AP1M1: variants seen among roughly 807,000 people sequenced by gnomAD.
AP1M1 encodes the protein AP-1 complex subunit mu-1.
AP1M1 carries 18 observed loss-of-function variants against 57.1 expected under a neutral mutation model. That is an observed-to-expected ratio of 0.32 (90% CI 0.22 to 0.47). The LOEUF is 0.47. Among genes scored for constraint, AP1M1 ranks in the 20% least tolerant of loss-of-function variants. The probability of loss-of-function intolerance (pLI) is 1.00; values close to 1 mark genes in which losing one functional copy is unlikely to be tolerated. For missense variants in AP1M1, 362 were observed against 593.5 expected, an observed-to-expected ratio of 0.61 and a Z score of 4.05; for synonymous variants, 241 against 237.9, an observed-to-expected ratio of 1.01 and a Z score of -0.12.
At chr19:16,225,500 A>G (rs2091567331) in intron 5 of AP1M1, among the ~76,000 whole-genome samples, 1 of 152,194 alleles carries the variant, frequency 6.6e-6, no homozygotes, top group Non-Finnish European at 1.5e-5. Flanking sequence ...AATGGATGCA[A>G]GAAGAGATGC....
At position 16,207,676 on chromosome 19, in the gene AP1M1, C is replaced by T. The variant is rs1442293798; in HGVS notation, c.268-343C>T. Among the ~76,000 whole-genome samples, 1 of 152,142 alleles carries T rather than the reference C, an allele frequency of 6.6e-6. No individual in the cohort carries two copies. The highest frequency in any genetic ancestry group is 6.5e-5 in the Admixed American group (1 of 15,268). ...GGGGAAGATGGCAGCTCATCAGGTC[C>T]TTGCCTGAGTCACTCCAGACTCAGA... On this transcript the variant is annotated intron_variant, in intron 3 of 11. Transcript: ENST00000291439. This position sits in a 1 kb window ranked among gnomAD's most constrained non-coding sequence, Gnocchi z 4.2.
At position 16,245,143 on chromosome 19, in the gene AP1M1, G is replaced by A. The variant is rs12972292; in HGVS notation, c.*10708G>A. 0.55 allele frequency: 82,915 copies of A among 151,358 alleles called. 25,662 individuals carry two copies. Among genetic ancestry groups the A allele is most frequent in the Non-Finnish European group, 0.71 (48,033 of 67,694 alleles). 9.4% of individuals were successfully genotyped at this position (151,358 alleles called of 1,614,324 possible). ...ACTCCCGACCTCAGGTGATCCGCCC[G>A]CCTCGGCCTCCCAAAGTGCTGGGAT... On this transcript the variant is annotated 3_prime_UTR_variant, in exon 12 of 12. Transcript: ENST00000291439.
rs1179303332 is a variant in AP1M1 at position 16,215,200 on chromosome 19, CGGGGGGGGGGGAGAGG to C, written c.546+6028_546+6043del. 2.7e-4 allele frequency among the ~76,000 whole-genome samples: 2 copies of C among 7,370 alleles called. 1 individual carries two copies. The highest frequency in any genetic ancestry group is 6.1e-4 in the Non-Finnish European group (2 of 3,276). The allele number at this position is 7,370 out of a possible 152,430, so 4.8% of individuals were successfully genotyped here. A position where few individuals can be genotyped will look rare whatever the true frequency, so the allele number is the denominator to read the frequency against. ...GCACTTTGGGAGGCTAAGGCGGGGG[CGGGGGGGGGGGAGAGG>C]GGGGAGGGGGGAGGGGAGGGGATCA... On this transcript the variant is annotated intron_variant, in intron 5 of 11. Coordinates refer to ENST00000291439, the MANE Select transcript of AP1M1 (RefSeq NM_032493.4).
In AP1M1 at chr19:16,228,654, C is replaced by T; in HGVS notation, c.889-116C>T. The stretch of plus-strand genomic sequence containing the variant: ...GTGGGTAGTGCCTGGAGAAGTGGGG[C>T]CAGGGGCGGGGCTAGGGAGGATCCC... On this transcript the variant is annotated intron_variant, in intron 8 of 11. Coordinates refer to ENST00000291439, the MANE Select transcript of AP1M1 (RefSeq NM_032493.4). The surrounding 1 kb of genome is among the most constrained non-coding windows in gnomAD (Gnocchi z 5.0). 1 of 1,171,816 alleles carries T rather than the reference C, an allele frequency of 8.5e-7. No homozygotes were observed. 72.6% of individuals were successfully genotyped at this position (1,171,816 alleles called of 1,614,324 possible). A position where few individuals can be genotyped will look rare whatever the true frequency, so the allele number is the denominator to read the frequency against.
intron 5 of AP1M1, among the ~76,000 whole-genome samples, chr19:16,225,166 T>A (rs1273106241): frequency 3.9e-5 from 6 of 152,168 alleles, no homozygotes; most frequent in Admixed American, 3.9e-4. Flanking sequence ...TTTTCCCAAT[T>A]CCCTCAGAGG....
At chr19:16,198,462 G>A (rs1307889426) in intron 1 of AP1M1, among the ~76,000 whole-genome samples, 1 of 152,156 alleles carries the variant, frequency 6.6e-6, no homozygotes, top group African/African-American at 2.4e-5. Context: ...AGGCGTGGCG[G>A]GGACTGGGTG....
intron 5 of AP1M1, among the ~76,000 whole-genome samples, chr19:16,217,352 T>C (rs961952148): frequency 6.6e-6 from 1 of 151,948 alleles, no homozygotes; most frequent in Non-Finnish European, 1.5e-5. Context: ...CACAGCAGGG[T>C]GCACACACAG....
rs1251581552 is a variant in AP1M1, at chr19:16,236,994, G to A, written c.*2559G>A. On this transcript the variant is annotated 3_prime_UTR_variant, in exon 12 of 12. Coordinates refer to ENST00000291439, the MANE Select transcript of AP1M1 (RefSeq NM_032493.4). Reference sequence around the variant, plus strand: ...GCACAGAGACTCTGAATAGAAAAGAGCAAAATGCTGTTAAGACAGAGCTGT... The same window carrying A: ...GCACAGAGACTCTGAATAGAAAAGAACAAAATGCTGTTAAGACAGAGCTGT... 3 of 152,206 alleles carry A rather than the reference G, an allele frequency of 2.0e-5. No homozygotes were observed. The highest frequency in any genetic ancestry group is 4.4e-5 in the Non-Finnish European group (3 of 68,026). The allele number at this position is 152,206 out of a possible 1,614,324, so 9.4% of individuals were successfully genotyped here.
chr19:16,227,207 C>T lies in AP1M1; in HGVS notation c.674-341C>T, dbSNP rs1328184854. ...CCCAGGACCCCGTGGATGCCAGGGC[C>T]TGAGCCCTTGGGGAGCCCCGAGCCA... On this transcript the variant is annotated intron_variant, in intron 6 of 11. Transcript: ENST00000291439. The surrounding 1 kb of genome is among the most constrained non-coding windows in gnomAD (Gnocchi z 6.2). 6.6e-6 allele frequency among the ~76,000 whole-genome samples: 1 copy of T among 152,202 alleles called. No homozygotes were observed. The highest frequency in any genetic ancestry group is 1.5e-5 in the Non-Finnish European group (1 of 68,006).
intron 1 of AP1M1, 63 bp downstream of exon 1, chr19:16,198,131 A>ACC: frequency 6.3e-7 from 1 of 1,578,114 alleles, no homozygotes; most frequent in Non-Finnish European, 8.6e-7. Flanking sequence ...GCCCGCGGGG[A>ACC]CCCACCCTGT....
Position 16,206,473 on chromosome 19 carries a change from C to T in AP1M1, c.267+65C>T. 1 of 1,549,470 alleles carries T rather than the reference C, an allele frequency of 6.5e-7. No individual in the cohort carries two copies. The highest frequency in any genetic ancestry group is 8.9e-7 in the Non-Finnish European group (1 of 1,122,732). On this transcript the variant is annotated intron_variant, in intron 3 of 11. Coordinates refer to ENST00000291439, the MANE Select transcript of AP1M1 (RefSeq NM_032493.4). The surrounding 1 kb of genome is among the most constrained non-coding windows in gnomAD (Gnocchi z 4.3). ...TTGTCTTGGCTCTGCTTGTGGACCT[C>T]CCCATACCTGGCCACCCTACAGAGA...
intron 5 of AP1M1, among the ~76,000 whole-genome samples, chr19:16,211,206 G>C (rs938915432): frequency 6.6e-6 from 1 of 151,062 alleles, no homozygotes; most frequent in African/African-American, 2.4e-5. Context: ...TGCTTCTCCA[G>C]CCTCAGCCTC....
At position 16,227,435 on chromosome 19, in the gene AP1M1, A is replaced by C. The variant is rs2091576077; in HGVS notation, c.674-113A>C. 4.8e-6 allele frequency: 6 copies of C among 1,243,092 alleles called. No homozygotes were observed. The highest frequency in any genetic ancestry group is 6.9e-6 in the Non-Finnish European group (6 of 874,444). 77.0% of individuals were successfully genotyped at this position (1,243,092 alleles called of 1,614,324 possible). A position where few individuals can be genotyped will look rare whatever the true frequency, so the allele number is the denominator to read the frequency against. On this transcript the variant is annotated intron_variant, in intron 6 of 11. Coordinates refer to ENST00000291439, the MANE Select transcript of AP1M1 (RefSeq NM_032493.4). This position sits in a 1 kb window ranked among gnomAD's most constrained non-coding sequence, Gnocchi z 6.2. ...GGTGTTTGTGGCCCAGGCTGCTCTC[A>C]GTGCGTGGACTGGGGGCCCTGCTCT...
At position 16,238,023 on chromosome 19, in the gene AP1M1, A is replaced by T. The variant is rs1161267922; in HGVS notation, c.*3588A>T. ...TGGGCCAATTTTTCATATTTTTTAT[A>T]GAGATGGGGTCTCGTCATTTTGTCC... On this transcript the variant is annotated 3_prime_UTR_variant, in exon 12 of 12. Coordinates refer to ENST00000291439, the MANE Select transcript of AP1M1 (RefSeq NM_032493.4). The T allele has an allele frequency of 1.3e-5, 2 of 152,100 alleles. No individual in the cohort carries two copies. The highest frequency in any genetic ancestry group is 2.9e-5 in the Non-Finnish European group (2 of 68,032). 9.4% of individuals were successfully genotyped at this position (152,100 alleles called of 1,614,324 possible).
rs748657606 is a variant in AP1M1, at chr19:16,240,606, C to T, written c.*6171C>T. On this transcript the variant is annotated 3_prime_UTR_variant, in exon 12 of 12. Coordinates refer to ENST00000291439, the MANE Select transcript of AP1M1 (RefSeq NM_032493.4). ...CTGGGATTACAGGTGCACACCACCACGCCCGGCTAATTTTTGTATTTTTTG... is the reference window on the plus strand; with the variant it reads ...CTGGGATTACAGGTGCACACCACCATGCCCGGCTAATTTTTGTATTTTTTG... 2.0e-5 allele frequency: 3 copies of T among 152,020 alleles called. No individual in the cohort carries two copies. The highest frequency in any genetic ancestry group is 2.9e-5 in the Non-Finnish European group (2 of 68,010). The allele number at this position is 152,020 out of a possible 1,614,324, so 9.4% of individuals were successfully genotyped here. A position where few individuals can be genotyped will look rare whatever the true frequency, so the allele number is the denominator to read the frequency against.
chr19:16,233,861 G>A (rs536030022), intron 10 of AP1M1, among the ~76,000 whole-genome samples: 1 of 150,978 alleles, frequency 6.6e-6, no homozygotes, highest in African/African-American at 2.4e-5. Flanking sequence ...GTCCACTCAT[G>A]CCCCATGGGA....
Position 16,207,811 on chromosome 19 carries a change from G to A in AP1M1, c.268-208G>A, listed in dbSNP as rs1377448550. Among the ~76,000 whole-genome samples the A allele has an allele frequency of 6.6e-6, 1 of 152,144 alleles. No homozygotes were observed. The highest frequency in any genetic ancestry group is 2.4e-5 in the African/African-American group (1 of 41,428). ...TGAAGGCCTCGGGACATCTGCAGTG[G>A]CTCCAGCCTGGCCCCACCCCACAGC... On this transcript the variant is annotated intron_variant, in intron 3 of 11. Coordinates refer to ENST00000291439, the MANE Select transcript of AP1M1 (RefSeq NM_032493.4). The surrounding 1 kb of genome is among the most constrained non-coding windows in gnomAD (Gnocchi z 4.2).
chr19:16,206,283 G>A lies in AP1M1; in HGVS notation c.200-58G>A, dbSNP rs1190192531. Reference sequence around the variant, plus strand: ...GTTAGGGGGTCCCTCCATGAACCAGGATCTTCCAGGCAGCAGCCCCAGCCT... The same window carrying A: ...GTTAGGGGGTCCCTCCATGAACCAGAATCTTCCAGGCAGCAGCCCCAGCCT... On this transcript the variant is annotated intron_variant, in intron 2 of 11. Transcript: ENST00000291439. This position sits in a 1 kb window ranked among gnomAD's most constrained non-coding sequence, Gnocchi z 4.3. 6.3e-7 allele frequency: 1 copy of A among 1,581,274 alleles called. No homozygotes were observed. Among genetic ancestry groups the A allele is most frequent in the East Asian group, 2.2e-5 (1 of 44,670 alleles).
intron 9 of AP1M1, among the ~76,000 whole-genome samples, chr19:16,231,024 C>A (rs1301926985): frequency 6.6e-6 from 1 of 151,994 alleles, no homozygotes; most frequent in African/African-American, 2.4e-5. Context: ...CGCTGTGGCT[C>A]ACGCCTGTAA....
Sources: allele counts gnomAD v4.1 joint callset (sites outside exome capture counted in the v4.1 genomes callset), GRCh38; gene constraint gnomAD v4.1.1; non-coding constraint Gnocchi (gnomAD v3.1); transcripts MANE v1.5; gene names NCBI Gene and HGNC (gene_info 2026-07-23, HGNC 2026-07-21).